The following BICRAL variants were observed in gnomAD, a reference collection of about 807,000 sequenced individuals.
BICRAL encodes the protein BICRA like chromatin remodeling complex associated protein, also known as BRD4-interacting chromatin-remodeling complex-associated protein-like.
A neutral mutation model predicts 91.8 loss-of-function variants in BICRAL; 8 were observed. That is an observed-to-expected ratio of 0.09 (90% CI 0.05 to 0.16). The LOEUF is 0.16. BICRAL is among the 10% of genes least tolerant of loss of function. The probability of loss-of-function intolerance (pLI) is 1.00; values close to 1 mark genes in which losing one functional copy is unlikely to be tolerated. For synonymous variants in BICRAL, 445 were observed against 491.1 expected, an observed-to-expected ratio of 0.91 and a Z score of 1.24; for missense variants, 1,038 against 1,310.9, an observed-to-expected ratio of 0.79 and a Z score of 3.21.
At chr6:42,752,814 G>C (rs1762400172) in intron 1 of BICRAL, among the ~76,000 whole-genome samples, 1 of 151,576 alleles carries the variant, frequency 6.6e-6, no homozygotes, top group Non-Finnish European at 1.5e-5. Flanking sequence ...ATGTTGGCCA[G>C]CTAGTCTCCA....
chr6:42,777,937 A>G (rs1029904182), upstream of BICRAL, among the ~76,000 whole-genome samples: 1 of 152,218 alleles, frequency 6.6e-6, no homozygotes, highest in Admixed American at 6.5e-5. Context: ...CCTCTTAAAA[A>G]GTTTTCTAAT....
At chr6:42,822,186 G>C in intron 3 of BICRAL, 123 bp downstream of exon 3, 1 of 591,818 alleles carries the variant, frequency 1.7e-6, no homozygotes, top group Non-Finnish European at 3.0e-6. Context: ...ATAATCATAG[G>C]TTTAGTAGAG....
chr6:42,852,372 T>C (rs1023597338), intron 7 of BICRAL, 175 bp downstream of exon 7: 5 of 696,020 alleles, frequency 7.2e-6, no homozygotes, highest in Non-Finnish European at 1.3e-5. Context: ...AACTCTAAGA[T>C]AGCATTGGGC....
intron 1 of BICRAL, among the ~76,000 whole-genome samples, chr6:42,773,984 A>G (rs2113848216): frequency 6.6e-6 from 1 of 152,358 alleles, no homozygotes; most frequent in East Asian, 1.9e-4. Context: ...AGAGGCAGAC[A>G]TTATCTTGTG....
At chr6:42,845,609 A>G (rs1562491211) in intron 6 of BICRAL, among the ~76,000 whole-genome samples, 1 of 152,020 alleles carries the variant, frequency 6.6e-6, no homozygotes, top group Non-Finnish European at 1.5e-5. Context: ...ATGGCCTTTT[A>G]GCTCTCCTTC....
At chr6:42,794,598 T>G (rs748994078) in intron 1 of BICRAL, among the ~76,000 whole-genome samples, 2 of 152,034 alleles carry the variant, frequency 1.3e-5, no homozygotes, top group African/African-American at 2.4e-5. Flanking sequence ...TATTCTCTGT[T>G]CTTTTTTCAT....
intron 1 of BICRAL, among the ~76,000 whole-genome samples, chr6:42,750,466 T>C (rs550315758): frequency 2.0e-5 from 3 of 152,254 alleles, no homozygotes; most frequent in African/African-American, 7.2e-5. Flanking sequence ...GCCTGGCCAC[T>C]TCCCTTTTAA....
chr6:42,845,146 G>A (rs1180359229), intron 6 of BICRAL, among the ~76,000 whole-genome samples: 1 of 135,036 alleles, frequency 7.4e-6, no homozygotes, highest in African/African-American at 2.7e-5. Context: ...TTGAGATAAA[G>A]ACTGTTTGGT....
chr6:42,793,231 C>G (rs1763327347), intron 1 of BICRAL, among the ~76,000 whole-genome samples: 1 of 133,400 alleles, frequency 7.5e-6, no homozygotes, highest in Non-Finnish European at 1.6e-5. Flanking sequence ...GCAAGCTCTG[C>G]CTCCCAGGTC....
chr6:42,751,428 G>A (rs1007876138), intron 1 of BICRAL, among the ~76,000 whole-genome samples: 1 of 152,096 alleles, frequency 6.6e-6, no homozygotes, highest in African/African-American at 2.4e-5. Flanking sequence ...AACGTCTGTT[G>A]TATTTATTTG....
At chr6:42,846,802 C>T (rs1018333125) in intron 6 of BICRAL, among the ~76,000 whole-genome samples, 1 of 152,190 alleles carries the variant, frequency 6.6e-6, no homozygotes, top group African/African-American at 2.4e-5. Flanking sequence ...TTGCTTCTTC[C>T]CTGGACTTTA....
chr6:42,751,263 C>T (rs916221685), intron 1 of BICRAL, among the ~76,000 whole-genome samples: 11 of 152,010 alleles, frequency 7.2e-5, no homozygotes, highest in African/African-American at 1.7e-4. Context: ...TGGGAGGACC[C>T]GTGTCCTGGG....
At chr6:42,780,254 C>T (rs891198312), upstream of BICRAL, among the ~76,000 whole-genome samples, 1 of 152,066 alleles carries the variant, frequency 6.6e-6, no homozygotes, top group African/African-American at 2.4e-5. Context: ...CCGGCCCCAA[C>T]AGATTTAATT....
intron 1 of BICRAL, among the ~76,000 whole-genome samples, chr6:42,771,493 G>A (rs1305243204): frequency 6.6e-6 from 1 of 151,420 alleles, no homozygotes; most frequent in Admixed American, 6.6e-5. Context: ...TGGGGGTGGC[G>A]GGGGGTGGTG....
At chr6:42,775,573 C>T (rs1465213262) in intron 1 of BICRAL, among the ~76,000 whole-genome samples, 1 of 152,188 alleles carries the variant, frequency 6.6e-6, no homozygotes, top group East Asian at 1.9e-4. Flanking sequence ...CCCCCCTAAC[C>T]TGATGGCTGT....
intron 1 of BICRAL, among the ~76,000 whole-genome samples, chr6:42,789,320 T>C (rs992169577): frequency 1.3e-5 from 2 of 152,118 alleles, no homozygotes; most frequent in African/African-American, 4.8e-5. Context: ...GTTAAAATTG[T>C]AAATCTTACA....
Position 42,845,957 on chromosome 6 carries a change from G to C in BICRAL, c.1840-6135G>C, listed in dbSNP as rs1022072823. Among the ~76,000 whole-genome samples the C allele has an allele frequency of 3.4e-5, 5 of 148,268 alleles. No individual in the cohort carries two copies. In the East Asian group the frequency reaches 8.0e-4, roughly 24 times the overall value. ...GTGGTGGCGGGTGCCTGTAGTCCCA[G>C]CTAATCGGGAGGCTGAGGCAGGAGA... is the stretch of plus-strand genomic sequence containing the variant. On this transcript the variant is annotated intron_variant, in intron 6 of 12. Transcript: ENST00000314073.
intron 12 of BICRAL, 56 bp downstream of exon 12, chr6:42,862,668 T>C (rs1319415379): frequency 1.9e-6 from 2 of 1,034,252 alleles, no homozygotes; most frequent in Non-Finnish European, 3.1e-6. Flanking sequence ...TCAGGGACCA[T>C]GGGGCCTTTG....
chr6:42,857,004 CTTATT>C (rs1765380889), intron 9 of BICRAL, 82 bp from the exon 10 acceptor site: 3 of 1,137,908 alleles, frequency 2.6e-6, no homozygotes. Flanking sequence ...TCCTATATAT[CTTATT>C]TTATTTGCAT....
Sources: gnomAD v4.1 joint callset for allele counts (sites outside exome capture counted in the v4.1 genomes callset) on GRCh38, gnomAD v4.1.1 for gene constraint, MANE v1.5 for transcripts, NCBI Gene and HGNC (gene_info 2026-07-23, HGNC 2026-07-21) for gene names.